The following DENND1A variants were observed in gnomAD, a reference collection of about 807,000 sequenced individuals.
DENND1A encodes DENN domain-containing protein 1A.
In DENND1A, 51 loss-of-function variants were observed where a neutral mutation model predicts 113.7. The observed-to-expected ratio is 0.45, with a 90% CI of 0.36 to 0.57. The LOEUF (loss-of-function observed/expected upper bound fraction) is 0.57, where lower values mean the gene tolerates loss of function less well. DENND1A is among the 20% of genes least tolerant of loss of function. The pLI, the probability that DENND1A is intolerant of heterozygous loss-of-function variation, is 0.00. For synonymous variants in DENND1A, 565 were observed against 570.8 expected (o/e 0.99, Z 0.14); for missense variants, 1,258 against 1,395.9 (o/e 0.90, Z 1.57).
intron 4 of DENND1A, among the ~76,000 whole-genome samples, chr9:123,763,811 A>G (rs1262118589): frequency 6.6e-6 from 1 of 152,146 alleles, no homozygotes; most frequent in Non-Finnish European, 1.5e-5. Context: ...GAATTAAGCA[A>G]TATGGAGGTT....
At chr9:123,775,489 C>G (rs775899606) in intron 3 of DENND1A, among the ~76,000 whole-genome samples, 1 of 151,362 alleles carries the variant, frequency 6.6e-6, no homozygotes, top group African/African-American at 2.4e-5. Flanking sequence ...ATTGAAGAGG[C>G]AACTTGCCCT....
chr9:123,434,687 G>A (rs1190839014), intron 19 of DENND1A, among the ~76,000 whole-genome samples: 2 of 152,166 alleles, frequency 1.3e-5, no homozygotes, highest in East Asian at 1.9e-4. Context: ...CTCTTCCTAG[G>A]GGAGTTGGGA....
At chr9:123,669,902 C>T (rs775097645) in intron 7 of DENND1A, among the ~76,000 whole-genome samples, 8 of 152,154 alleles carry the variant, frequency 5.3e-5, no homozygotes, top group Non-Finnish European at 7.3e-5. Context: ...TCCTTCCACA[C>T]GAATGGCACA....
chr9:123,634,235 T>A (rs1311558127), intron 9 of DENND1A, among the ~76,000 whole-genome samples: 1 of 152,164 alleles, frequency 6.6e-6, no homozygotes, highest in African/African-American at 2.4e-5. Flanking sequence ...AAACAAAAAA[T>A]CAAGCTTTTA....
intron 9 of DENND1A, among the ~76,000 whole-genome samples, chr9:123,642,042 G>A (rs1235066555): frequency 6.6e-6 from 1 of 152,232 alleles, no homozygotes; most frequent in Admixed American, 6.5e-5. Context: ...AGGAAGGTAA[G>A]AGCTAGCAGA....
chr9:123,610,609 G>A (rs1156783795), intron 10 of DENND1A, among the ~76,000 whole-genome samples: 2 of 152,226 alleles, frequency 1.3e-5, no homozygotes, highest in Non-Finnish European at 2.9e-5. Context: ...TTTTCCATCT[G>A]TCTCTGTAGT....
At chr9:123,529,084 T>C (rs1399152167) in intron 13 of DENND1A, among the ~76,000 whole-genome samples, 1 of 152,236 alleles carries the variant, frequency 6.6e-6, no homozygotes, top group Non-Finnish European at 1.5e-5. Flanking sequence ...GTTTTCCTTA[T>C]AGGCCTGTGA....
chr9:123,604,689 C>T (rs1589314736), intron 11 of DENND1A, among the ~76,000 whole-genome samples: 1 of 152,314 alleles, frequency 6.6e-6, no homozygotes, highest in Admixed American at 6.5e-5. Context: ...TCAAATTCTA[C>T]AGAAGTGTCA....
At chr9:123,642,739 C>G (rs980109506) in intron 9 of DENND1A, among the ~76,000 whole-genome samples, 2 of 152,150 alleles carry the variant, frequency 1.3e-5, no homozygotes, top group African/African-American at 4.8e-5. Flanking sequence ...GGCAAAGAGG[C>G]CTTGGCTCTG....
intron 5 of DENND1A, among the ~76,000 whole-genome samples, chr9:123,725,592 T>C (rs1237936892): frequency 6.6e-6 from 1 of 152,226 alleles, no homozygotes; most frequent in Non-Finnish European, 1.5e-5. Flanking sequence ...CGAGCAGAAC[T>C]GCAGGCAGGC....
At chr9:123,433,240 C>G (rs982330767) in intron 19 of DENND1A, among the ~76,000 whole-genome samples, 1 of 152,236 alleles carries the variant, frequency 6.6e-6, no homozygotes, top group Non-Finnish European at 1.5e-5. Flanking sequence ...CTGAAGGTCA[C>G]CAGCTAGTGA....
chr9:123,749,872 A>G (rs2131284707), intron 5 of DENND1A, among the ~76,000 whole-genome samples: 1 of 152,336 alleles, frequency 6.6e-6, no homozygotes, highest in East Asian at 1.9e-4. Context: ...TTTCCAAAAC[A>G]GAGAAAGTAT....
chr9:123,805,256 C>A (rs1304937767), intron 2 of DENND1A, among the ~76,000 whole-genome samples: 1 of 152,044 alleles, frequency 6.6e-6, no homozygotes, highest in Non-Finnish European at 1.5e-5. Context: ...CACCATGCAA[C>A]ATATTATATA....
intron 13 of DENND1A, among the ~76,000 whole-genome samples, chr9:123,549,139 G>A (rs1371328342): frequency 6.6e-6 from 1 of 152,044 alleles, no homozygotes; most frequent in African/African-American, 2.4e-5. Flanking sequence ...GATGGGGTGA[G>A]TCCCAGCTCC....
At chr9:123,524,975 GA>G (rs1289844731) in intron 13 of DENND1A, among the ~76,000 whole-genome samples, 1 of 152,222 alleles carries the variant, frequency 6.6e-6, no homozygotes, top group African/African-American at 2.4e-5. Context: ...ATGAGGGAAG[GA>G]CAGGGAGTAG....
chr9:123,442,437 C>T (rs1179523985), intron 18 of DENND1A, among the ~76,000 whole-genome samples: 1 of 152,122 alleles, frequency 6.6e-6, no homozygotes, highest in East Asian at 1.9e-4. Flanking sequence ...GGAGGGGTTC[C>T]ATCTGTGCTA....
At chr9:123,471,113 A>C (rs2049380371) in intron 13 of DENND1A, among the ~76,000 whole-genome samples, 1 of 152,200 alleles carries the variant, frequency 6.6e-6, no homozygotes, top group Admixed American at 6.5e-5. Context: ...TTCTAGATAT[A>C]GAAAAGGCTT....
intron 20 of DENND1A, among the ~76,000 whole-genome samples, chr9:123,410,387 G>T (rs1429183518): frequency 6.6e-6 from 1 of 152,222 alleles, no homozygotes; most frequent in African/African-American, 2.4e-5. Flanking sequence ...CTTCTTTCCA[G>T]TGACAGTGAG....
intron 8 of DENND1A, 44 bp from the exon 9 acceptor site, chr9:123,652,167 T>C: frequency 1.3e-6 from 2 of 1,501,810 alleles, no homozygotes; most frequent in Middle Eastern, 1.7e-4. Context: ...ATTTTCTTTG[T>C]TCTTATTATA....
Sources: gnomAD v4.1 joint callset for allele counts (sites outside exome capture counted in the v4.1 genomes callset) on GRCh38, gnomAD v4.1.1 for gene constraint, MANE v1.5 for transcripts, NCBI Gene and HGNC (gene_info 2026-07-23, HGNC 2026-07-21) for gene names.